TRIM37: variants seen among roughly 807,000 people sequenced by gnomAD.
TRIM37 encodes E3 ubiquitin-protein ligase TRIM37.
TRIM37 carries 80 observed loss-of-function variants against 129.8 expected under a neutral mutation model. That is an observed-to-expected ratio of 0.62 (90% CI 0.51 to 0.74). The LOEUF is 0.74. Ranked by LOEUF, TRIM37 falls within the 30% of genes least tolerant of loss-of-function variation. The pLI is 0.00. For missense variants in TRIM37, 1,054 were observed against 1,176.5 expected (o/e 0.90, Z 1.52); for synonymous variants, 389 against 387.1 (o/e 1.00, Z -0.06).
intron 4 of TRIM37, among the ~76,000 whole-genome samples, chr17:59,085,809 T>C (rs779687093): frequency 6.6e-6 from 1 of 152,046 alleles, no homozygotes; most frequent in Non-Finnish European, 1.5e-5. Flanking sequence ...CACTGAGAGA[T>C]GAATGGACAA....
chr17:59,077,034 C>T (rs1041638973), intron 7 of TRIM37, among the ~76,000 whole-genome samples: 1 of 152,064 alleles, frequency 6.6e-6, no homozygotes, highest in Non-Finnish European at 1.5e-5. Context: ...ATGATCCACC[C>T]GCCTCGGCCT....
In TRIM37 at chr17:59,106,705, G is replaced by A. The variant is rs991364571; in HGVS notation, c.-244C>T. ...AGAAGTAGGGCGAACGGTGGCCGCA[G>A]CTCCTTTCTCCCGGCTCAGCCGCCG... On this transcript the variant is annotated 5_prime_UTR_variant, in exon 1 of 24. Transcript: ENST00000262294. The A allele has an allele frequency of 3.9e-5, 23 of 589,340 alleles. No individual in the cohort carries two copies. Among genetic ancestry groups the A allele is most frequent in the South Asian group, 2.2e-4 (11 of 49,374 alleles). 36.5% of individuals were successfully genotyped at this position (589,340 alleles called of 1,614,324 possible).
chr17:59,012,453 GA>G lies in TRIM37; in HGVS notation c.2577-8del. ...ACCTCCTTTAGCATTAGCCCTCAAA[GA>G]AGAAAACAACTTGATATTTCTCTAT... On this transcript the variant is annotated splice_region_variant and splice_polypyrimidine_tract_variant and intron_variant, in intron 21 of 23. Coordinates refer to ENST00000262294, the MANE Select transcript of TRIM37 (RefSeq NM_015294.6). 1 of 1,557,922 alleles carries G rather than the reference GA, an allele frequency of 6.4e-7. No individual in the cohort carries two copies. The highest frequency in any genetic ancestry group is 8.8e-7 in the Non-Finnish European group (1 of 1,134,908).
chr17:59,074,545 CA>C (rs1468819600), intron 8 of TRIM37, among the ~76,000 whole-genome samples: 2 of 152,140 alleles, frequency 1.3e-5, no homozygotes, highest in African/African-American at 4.8e-5. Flanking sequence ...TCAGACAATG[CA>C]GTCAAGAAAA....
chr17:59,046,839 C>T (rs2039863327), intron 16 of TRIM37, among the ~76,000 whole-genome samples: 2 of 150,110 alleles, frequency 1.3e-5, no homozygotes, highest in Admixed American at 6.6e-5. Context: ...CGTGCCCAGC[C>T]GAAAAACAAA....
downstream of TRIM37, among the ~76,000 whole-genome samples, chr17:58,996,330 C>T (rs1013103835): frequency 6.6e-6 from 1 of 151,202 alleles, no homozygotes; most frequent in African/African-American, 2.4e-5. Context: ...ATTAGCCGGG[C>T]GTGGTGGTGC....
intron 24 of TRIM37, chr17:58,984,966 C>A (rs2031659608): frequency 6.6e-6 from 1 of 152,628 alleles, no homozygotes; most frequent in Admixed American, 6.5e-5. Flanking sequence ...CATAACATTT[C>A]TCTGCAAAGA....
At position 59,083,614 on chromosome 17, in the gene TRIM37, A is replaced by G. The variant is rs186267432; in HGVS notation, c.369+388T>C. Among the ~76,000 whole-genome samples the G allele has an allele frequency of 7.2e-5, 11 of 152,248 alleles. No homozygotes were observed. The East Asian group carries it at 2.1e-3, about 29-fold the overall frequency. On this transcript the variant is annotated intron_variant, in intron 5 of 23. Transcript: ENST00000262294. ...AATAAAAAATAATTATAAGATCTAG[A>G]TAGGCGTACTCATGTTGTTTCACAA...
intron 3 of TRIM37, among the ~76,000 whole-genome samples, chr17:59,091,081 A>AT (rs931573510): frequency 7.2e-5 from 11 of 152,182 alleles, no homozygotes; most frequent in Admixed American, 1.3e-4. Context: ...TTATACAATG[A>AT]TTTTCTGAGA....
At chr17:59,057,196 T>C in intron 12 of TRIM37, 142 bp from the exon 13 acceptor site, 1 of 744,766 alleles carries the variant, frequency 1.3e-6, no homozygotes, top group Non-Finnish European at 2.2e-6. Flanking sequence ...TTATCATTTA[T>C]AAAAACAGCA....
intron 17 of TRIM37, among the ~76,000 whole-genome samples, chr17:59,038,218 G>A (rs1024306817): frequency 1.3e-5 from 2 of 152,108 alleles, no homozygotes; most frequent in African/African-American, 4.8e-5. Context: ...CATTTAAGGG[G>A]TAGAAGTTAT....
At chr17:59,003,922 TAAAAAAAAAAAA>T (rs60843441) in intron 22 of TRIM37, among the ~76,000 whole-genome samples, 1 of 89,580 alleles carries the variant, frequency 1.1e-5, no homozygotes, top group Non-Finnish European at 2.2e-5. Flanking sequence ...CCCATCTCTA[TAAAAAAAAAAAA>T]AAAAAAAAAA....
the TRIM37 span, among the ~76,000 whole-genome samples, chr17:58,972,631 G>A: frequency 2.6e-5 from 4 of 152,152 alleles, no homozygotes; most frequent in Non-Finnish European, 4.4e-5. Context: ...GATTATAGGC[G>A]TGAGCCACCG....
Position 59,079,811 on chromosome 17 carries a change from C to T in TRIM37, c.559G>A (p.Glu187Lys), listed in dbSNP as rs750243748. 3 of 1,614,072 alleles carry T rather than the reference C, an allele frequency of 1.9e-6. No homozygotes were observed. The South Asian group carries it at 3.3e-5, about 18-fold the overall frequency. ...GTGTCTAACCGTGCAATCATCATCT[C>T]CACTGCATTCCTAATTTCCCGAACA... Reference protein sequence around the residue: ...ERVREIRNAVEMMIARLDTQL... With the variant: ...ERVREIRNAVKMMIARLDTQL... Residue 187 changes from glutamate to lysine, a missense_variant, in exon 7 of 24, where the codon GAG becomes AAG. This residue lies in a region of TRIM37 where 752 missense variants were observed against 870.8 expected (regional missense o/e 0.86). Transcript: ENST00000262294.
rs550436768 is a variant in TRIM37, at chr17:59,011,182, A to C, written c.2695+1146T>G. 1.8e-4 allele frequency among the ~76,000 whole-genome samples: 27 copies of C among 152,126 alleles called. No homozygotes were observed. The South Asian group carries it at 5.0e-3, about 28-fold the overall frequency. On this transcript the variant is annotated intron_variant, in intron 22 of 23. Transcript: ENST00000262294. ...AGACTCCGTCTCGGGGAAAAAAAAA[A>C]AACAACAGAAAAAGAAAGTATTCCC...
chr17:59,030,142 G>A (rs1040884698), intron 18 of TRIM37, among the ~76,000 whole-genome samples: 5 of 150,468 alleles, frequency 3.3e-5, no homozygotes, highest in African/African-American at 7.4e-5. Flanking sequence ...AGTTTCACTC[G>A]TTGCCCAGGC....
chr17:59,044,355 G>A (rs886081332), intron 16 of TRIM37, among the ~76,000 whole-genome samples: 4 of 151,916 alleles, frequency 2.6e-5, no homozygotes, highest in Non-Finnish European at 5.9e-5. Flanking sequence ...GAGGCCAGGA[G>A]TTCAAAACCA....
downstream of TRIM37, chr17:58,998,076 A>G: frequency 2.8e-6 from 1 of 361,264 alleles, no homozygotes; most frequent in Non-Finnish European, 3.9e-6. Context: ...GATGCTAGGC[A>G]TCACTCCTCG....
chr17:58,980,478 T>G, downstream of TRIM37: 1 of 1,614,158 alleles, frequency 6.2e-7, no homozygotes, highest in Non-Finnish European at 8.5e-7. This position sits in a 1 kb window ranked among gnomAD's most constrained non-coding sequence, Gnocchi z 4.7. Flanking sequence ...TACCTAGATC[T>G]CACACAAATA....
Sources: gnomAD v4.1 joint callset for allele counts (sites outside exome capture counted in the v4.1 genomes callset) on GRCh38, gnomAD v4.1.1 for gene constraint, gnomAD v4.1.1 regional missense constraint, Gnocchi (gnomAD v3.1) non-coding constraint, MANE v1.5 for transcripts, NCBI Gene and HGNC (gene_info 2026-07-23, HGNC 2026-07-21) for gene names.